RBM20: variants seen among roughly 807,000 people sequenced by gnomAD.
The protein encoded by RBM20 is RNA-binding protein 20.
Under a neutral mutation model 110.1 loss-of-function variants are expected in RBM20, and 51 were observed. The ratio of observed to expected loss-of-function variants is 0.46; its 90% CI spans 0.37 to 0.59. RBM20 has a LOEUF of 0.59. Among genes scored for constraint, RBM20 ranks in the 20% least tolerant of loss-of-function variants. RBM20 has a pLI of 0.00. For missense variants in RBM20, 1,512 were observed against 1,574.9 expected (o/e 0.96, Z 0.68); for synonymous variants, 589 against 618.2 (o/e 0.95, Z 0.70).
chr10:110,807,225 T>G (rs1274006150), intron 7 of RBM20, among the ~76,000 whole-genome samples: 1 of 152,174 alleles, frequency 6.6e-6, no homozygotes, highest in Non-Finnish European at 1.5e-5. Flanking sequence ...TGTGTGAAGA[T>G]TATCAGCCCA....
chr10:110,661,544 C>T (rs1862102156), intron 1 of RBM20, among the ~76,000 whole-genome samples: 3 of 152,148 alleles, frequency 2.0e-5, no homozygotes, highest in African/African-American at 7.2e-5. Flanking sequence ...ACTATTCGGA[C>T]CATCTCTGGG....
At chr10:110,710,196 C>T (rs539764033) in intron 1 of RBM20, among the ~76,000 whole-genome samples, 1 of 152,258 alleles carries the variant, frequency 6.6e-6, no homozygotes, top group African/African-American at 2.4e-5. Context: ...AATAGTTGGA[C>T]TATGATCATA....
chr10:110,667,579 A>T (rs2134834292), intron 1 of RBM20, among the ~76,000 whole-genome samples: 1 of 152,224 alleles, frequency 6.6e-6, no homozygotes, highest in South Asian at 2.1e-4. Flanking sequence ...GCTCTTCCTG[A>T]AGCAAGCACC....
At chr10:110,822,414 C>G (rs1260559666) in intron 11 of RBM20, 1 of 458,162 alleles carries the variant, frequency 2.2e-6, no homozygotes, top group South Asian at 1.5e-5. Flanking sequence ...TACCTCAGAC[C>G]CATTTTTTGC....
chr10:110,670,609 C>T (rs965683125), intron 1 of RBM20, among the ~76,000 whole-genome samples: 2 of 152,176 alleles, frequency 1.3e-5, no homozygotes, highest in African/African-American at 4.8e-5. Context: ...CAGCTGCCAG[C>T]ATGATCCTCC....
Position 110,825,694 on chromosome 10 carries a change from T to C in RBM20, c.3451+2080T>C, listed in dbSNP as rs551034025. ...AAGCTATGCTATAAATGACTGATCT[T>C]TCCTCTGCTGGTGAACAGTTAGGCT... On this transcript the variant is annotated intron_variant, in intron 12 of 13. Coordinates refer to ENST00000369519, the MANE Select transcript of RBM20 (RefSeq NM_001134363.3). Among the ~76,000 whole-genome samples the C allele has an allele frequency of 8.5e-5, 13 of 152,376 alleles. No individual in the cohort carries two copies. The South Asian group carries it at 2.3e-3, about 27-fold the overall frequency.
intron 7 of RBM20, among the ~76,000 whole-genome samples, chr10:110,804,118 A>C (rs1310422935): frequency 6.6e-6 from 1 of 152,192 alleles, no homozygotes; most frequent in East Asian, 1.9e-4. Flanking sequence ...AAGCTCCCAC[A>C]AAAGTCCTGA....
chr10:110,700,460 A>T (rs1433465525), intron 1 of RBM20, among the ~76,000 whole-genome samples: 1 of 152,212 alleles, frequency 6.6e-6, no homozygotes, highest in Admixed American at 6.5e-5. Context: ...TTGGCTGCCA[A>T]CAGGAACCCC....
chr10:110,743,462 C>T (rs962515354), intron 1 of RBM20, among the ~76,000 whole-genome samples: 3 of 152,064 alleles, frequency 2.0e-5, no homozygotes, highest in Non-Finnish European at 4.4e-5. Flanking sequence ...TTGTTAATTA[C>T]TAGGTTTTAA....
At chr10:110,654,817 A>G (rs1250543785) in intron 1 of RBM20, among the ~76,000 whole-genome samples, 2 of 152,246 alleles carry the variant, frequency 1.3e-5, no homozygotes, top group Non-Finnish European at 2.9e-5. Context: ...AACCCTGAGC[A>G]TCAGTGTTCT....
chr10:110,754,698 C>T (rs981296791), intron 1 of RBM20, among the ~76,000 whole-genome samples: 1 of 152,144 alleles, frequency 6.6e-6, no homozygotes, highest in African/African-American at 2.4e-5. Flanking sequence ...TCCAAATCTA[C>T]TAAGTCAGTT....
At chr10:110,721,645 A>G (rs1843508356) in intron 1 of RBM20, among the ~76,000 whole-genome samples, 1 of 152,170 alleles carries the variant, frequency 6.6e-6, no homozygotes, top group African/African-American at 2.4e-5. Context: ...GTCATCTTCA[A>G]AAACAACCTG....
chr10:110,660,431 G>A (rs969302685), intron 1 of RBM20, among the ~76,000 whole-genome samples: 1 of 152,136 alleles, frequency 6.6e-6, no homozygotes, highest in Non-Finnish European at 1.5e-5. Flanking sequence ...CCCAGGCCAT[G>A]GACGGGTACC....
At chr10:110,721,340 G>A (rs550585874) in intron 1 of RBM20, among the ~76,000 whole-genome samples, 61 of 152,166 alleles carry the variant, frequency 4.0e-4, no homozygotes, top group African/African-American at 1.3e-3. Context: ...TGAAAATGTC[G>A]AACCTGGACT....
intron 1 of RBM20, among the ~76,000 whole-genome samples, chr10:110,778,500 A>G (rs1160046472): frequency 6.6e-6 from 1 of 152,064 alleles, no homozygotes; most frequent in Non-Finnish European, 1.5e-5. Flanking sequence ...TTTTTGTTCC[A>G]TTATCATTGG....
At chr10:110,800,513 A>C (rs1367345258) in intron 7 of RBM20, among the ~76,000 whole-genome samples, 1 of 152,244 alleles carries the variant, frequency 6.6e-6, no homozygotes, top group Non-Finnish European at 1.5e-5. Context: ...GAACACACAG[A>C]AAAATGGCTG....
intron 1 of RBM20, among the ~76,000 whole-genome samples, chr10:110,769,047 T>G (rs1017247655): frequency 2.6e-5 from 4 of 152,234 alleles, no homozygotes; most frequent in African/African-American, 9.6e-5. Flanking sequence ...AACAGATTGA[T>G]TCTATTCTTT....
intron 1 of RBM20, among the ~76,000 whole-genome samples, chr10:110,728,419 A>G (rs556057761): frequency 6.6e-6 from 1 of 152,324 alleles, no homozygotes; most frequent in East Asian, 1.9e-4. Context: ...AAAGGGAAAA[A>G]GCCACACTTT....
At chr10:110,815,150 T>G (rs1233374816) in intron 9 of RBM20, among the ~76,000 whole-genome samples, 2 of 152,224 alleles carry the variant, frequency 1.3e-5, no homozygotes, top group African/African-American at 4.8e-5. Flanking sequence ...ACAATTCATG[T>G]GCATCTCTAG....
Sources: allele counts gnomAD v4.1 joint callset (sites outside exome capture counted in the v4.1 genomes callset), GRCh38; gene constraint gnomAD v4.1.1; transcripts MANE v1.5; gene names NCBI Gene and HGNC (gene_info 2026-07-23, HGNC 2026-07-21).